FAM135B: variants seen among roughly 807,000 people sequenced by gnomAD.
The protein encoded by FAM135B is family with sequence similarity 135 member B.
FAM135B carries 43 observed loss-of-function variants against 127.7 expected under a neutral mutation model. That is an observed-to-expected ratio of 0.34 (90% confidence interval 0.26 to 0.43). FAM135B has a LOEUF of 0.43. FAM135B is among the 20% of genes least tolerant of loss of function. The probability of loss-of-function intolerance (pLI) is 1.00; values close to 1 mark genes in which losing one functional copy is unlikely to be tolerated. For synonymous variants in FAM135B, 670 were observed against 665.1 expected, an observed-to-expected ratio of 1.01 and a Z score of -0.11; for missense variants, 1,558 against 1,725.6, an observed-to-expected ratio of 0.90 and a Z score of 1.72.
At chr8:138,211,360 G>A (rs575551762) in intron 7 of FAM135B, among the ~76,000 whole-genome samples, 36 of 152,260 alleles carry the variant, frequency 2.4e-4, no homozygotes, top group Non-Finnish European at 1.0e-4. Context: ...CAGATGCACC[G>A]ACAGAGGGGT....
intron 3 of FAM135B, among the ~76,000 whole-genome samples, chr8:138,282,066 A>G (rs1386950606): frequency 6.6e-6 from 1 of 152,254 alleles, no homozygotes; most frequent in Non-Finnish European, 1.5e-5. Flanking sequence ...ACATAAAATG[A>G]CATCTAGGAC....
At chr8:138,417,117 C>T (rs1302397570) in intron 1 of FAM135B, among the ~76,000 whole-genome samples, 1 of 152,202 alleles carries the variant, frequency 6.6e-6, no homozygotes, top group Admixed American at 6.5e-5. Flanking sequence ...GGTGCTCATC[C>T]TCCTAGGCTC....
intron 1 of FAM135B, among the ~76,000 whole-genome samples, chr8:138,481,836 A>G (rs1210635475): frequency 6.6e-6 from 1 of 152,250 alleles, no homozygotes; most frequent in East Asian, 1.9e-4. Context: ...GACCAGCTCC[A>G]GAAACCAACA....
intron 1 of FAM135B, among the ~76,000 whole-genome samples, chr8:138,414,662 T>C (rs1202621921): frequency 1.3e-5 from 2 of 151,024 alleles, no homozygotes; most frequent in East Asian, 2.0e-4. Context: ...TTAATTTTTT[T>C]CCCCACTCTT....
At chr8:138,148,399 G>T in intron 14 of FAM135B, 121 bp downstream of exon 14, 1 of 795,538 alleles carries the variant, frequency 1.3e-6, no homozygotes, top group Non-Finnish European at 2.0e-6. Flanking sequence ...CATAATTACT[G>T]TCATTCCACA....
At chr8:138,482,433 T>C (rs1009375042) in intron 1 of FAM135B, among the ~76,000 whole-genome samples, 2 of 152,154 alleles carry the variant, frequency 1.3e-5, no homozygotes, top group Admixed American at 6.5e-5. Flanking sequence ...GAGGATCCCA[T>C]ACCATGCTTA....
At chr8:138,328,029 T>G (rs1827927009) in intron 2 of FAM135B, among the ~76,000 whole-genome samples, 1 of 152,116 alleles carries the variant, frequency 6.6e-6, no homozygotes, top group African/African-American at 2.4e-5. Flanking sequence ...CATCAGGGCC[T>G]TATTATCATT....
At chr8:138,311,908 C>T (rs1404319186) in intron 2 of FAM135B, among the ~76,000 whole-genome samples, 5 of 152,294 alleles carry the variant, frequency 3.3e-5, no homozygotes, top group African/African-American at 9.6e-5. Flanking sequence ...ACTTTAAGTA[C>T]ATCACATAAC....
chr8:138,497,456 C>T (rs1452521656), upstream of FAM135B, among the ~76,000 whole-genome samples: 1 of 152,046 alleles, frequency 6.6e-6, no homozygotes, highest in Non-Finnish European at 1.5e-5. Flanking sequence ...CGCGGCGGGG[C>T]TCCCCTCTCG....
At position 138,214,495 on chromosome 8, in the gene FAM135B, C is replaced by T. The variant is rs186487820; in HGVS notation, c.670-16826G>A. On this transcript the variant is annotated intron_variant, in intron 7 of 19. Transcript: ENST00000395297. ...GCAGTTTAGCATGTGAGGGAGCACACAGACTAATGATTTTAGGAGTCTGAT... is the reference window on the plus strand; with the variant it reads ...GCAGTTTAGCATGTGAGGGAGCACATAGACTAATGATTTTAGGAGTCTGAT... 3.3e-5 allele frequency among the ~76,000 whole-genome samples: 5 copies of T among 152,256 alleles called. No homozygotes were observed. The East Asian group carries it at 7.7e-4, about 24-fold the overall frequency.
intron 6 of FAM135B, among the ~76,000 whole-genome samples, chr8:138,245,412 G>A (rs796665301): frequency 6.6e-6 from 1 of 152,094 alleles, no homozygotes; most frequent in Non-Finnish European, 1.5e-5. Flanking sequence ...AATCATGGGG[G>A]TGGTTACCTC....
chr8:138,337,700 T>G (rs1432810422), intron 2 of FAM135B, among the ~76,000 whole-genome samples: 2 of 152,044 alleles, frequency 1.3e-5, no homozygotes, highest in Non-Finnish European at 2.9e-5. Context: ...AATTTATAGA[T>G]TCAATGCCAT....
At position 138,152,830 on chromosome 8, in the gene FAM135B, G is replaced by A. The variant is rs777072201; in HGVS notation, c.1645C>T (p.Pro549Ser). ...TTTACGTCAATGTAGGTCAGCACTG[G>A]GGCCTGTCCATCCTCTGGACCTGGA... The part of the protein sequence containing the change: ...RSPGPEDGQA[P>S]VLTYIDVKSS... Residue 549 changes from proline to serine, a missense_variant, in exon 13 of 20, where the codon CCA becomes TCA. Physicochemically the swap from Pro to Ser is moderately conservative, Grantham distance 74. This residue lies in a region of FAM135B where 923 missense variants were observed against 865.3 expected (regional missense o/e 1.07). Transcript: ENST00000395297. 2.5e-6 allele frequency: 4 copies of A among 1,614,006 alleles called. No individual in the cohort carries two copies. In the African/African-American group the frequency reaches 4.0e-5, roughly 16 times the overall value.
chr8:138,449,268 G>A (rs897672264), intron 1 of FAM135B, among the ~76,000 whole-genome samples: 1 of 152,164 alleles, frequency 6.6e-6, no homozygotes, highest in Non-Finnish European at 1.5e-5. Flanking sequence ...TGCTAAGAGA[G>A]CTTGTGCTGG....
At chr8:138,173,931 C>G (rs1055364845) in intron 11 of FAM135B, among the ~76,000 whole-genome samples, 3 of 152,168 alleles carry the variant, frequency 2.0e-5, no homozygotes, top group African/African-American at 4.8e-5. Context: ...AAAACACACC[C>G]TTGCTACTGG....
chr8:138,489,834 T>C (rs1815132539), intron 1 of FAM135B, among the ~76,000 whole-genome samples: 1 of 152,156 alleles, frequency 6.6e-6, no homozygotes, highest in African/African-American at 2.4e-5. Flanking sequence ...TATCCCACGT[T>C]TATCTATGTA....
chr8:138,326,040 C>T (rs1245424661), intron 2 of FAM135B, among the ~76,000 whole-genome samples: 2 of 152,210 alleles, frequency 1.3e-5, no homozygotes, highest in East Asian at 1.9e-4. Context: ...ACACAAGTAG[C>T]TTAGTTGGAG....
intron 3 of FAM135B, among the ~76,000 whole-genome samples, chr8:138,306,113 C>T (rs1826238277): frequency 2.0e-5 from 3 of 152,168 alleles, no homozygotes; most frequent in East Asian, 1.9e-4. Context: ...TGGCAAGCCA[C>T]ATCCTATTGG....
chr8:138,207,548 C>G (rs1817794433), intron 7 of FAM135B, among the ~76,000 whole-genome samples: 1 of 152,136 alleles, frequency 6.6e-6, no homozygotes, highest in Non-Finnish European at 1.5e-5. Flanking sequence ...CTCTGTGAAG[C>G]TTGAGAGATG....
Sources: gnomAD v4.1 joint callset for allele counts (sites outside exome capture counted in the v4.1 genomes callset) on GRCh38, gnomAD v4.1.1 for gene constraint, gnomAD v4.1.1 regional missense constraint, MANE v1.5 for transcripts, NCBI Gene and HGNC (gene_info 2026-07-23, HGNC 2026-07-21) for gene names.